Variants in KCNQ4 observed in about 807,000 individuals in gnomAD.
The protein encoded by KCNQ4 is potassium voltage-gated channel subfamily Q member 4.
In KCNQ4, 31 loss-of-function variants were observed where a neutral mutation model predicts 72.6. That is an observed-to-expected ratio of 0.43 (90% CI 0.32 to 0.58). KCNQ4 has a LOEUF of 0.58. Among genes scored for constraint, KCNQ4 ranks in the 20% least tolerant of loss-of-function variants. The probability of loss-of-function intolerance (pLI) is 0.08; values close to 1 mark genes in which losing one functional copy is unlikely to be tolerated. For missense variants in KCNQ4, 869 were observed against 962.6 expected, an observed-to-expected ratio of 0.90 and a Z score of 1.29; for synonymous variants, 405 against 403.7, an observed-to-expected ratio of 1.00 and a Z score of -0.04.
intron 1 of KCNQ4, among the ~76,000 whole-genome samples, chr1:40,787,001 A>G (rs1406687904): frequency 3.3e-5 from 5 of 152,070 alleles, no homozygotes. Context: ...GTGGCAGCCC[A>G]AGTGAGGGGA....
Position 40,784,373 on chromosome 1 carries a change from C to G in KCNQ4, c.280C>G (p.Pro94Ala). 6.2e-7 allele frequency: 1 copy of G among 1,610,122 alleles called. No individual in the cohort carries two copies. The highest frequency in any genetic ancestry group is 8.5e-7 in the Non-Finnish European group (1 of 1,179,358). The change falls in exon 1 of 14, where the codon CCC (proline) becomes GCC (alanine). Residue 94 changes from proline to alanine, a missense_variant. Physicochemically the swap from Pro to Ala is conservative, Grantham distance 27. Coordinates refer to ENST00000347132, the MANE Select transcript of KCNQ4 (RefSeq NM_004700.4). This position sits in a 1 kb window ranked among gnomAD's most constrained non-coding sequence, Gnocchi z 4.1. ...QNWVYNVLERPRGWAFVYHVF... is the reference protein window; with the variant it reads ...QNWVYNVLERARGWAFVYHVF... ...CTGGGTCTACAACGTGCTGGAGCGG[C>G]CCCGCGGCTGGGCCTTCGTCTACCA...
intron 1 of KCNQ4, among the ~76,000 whole-genome samples, chr1:40,816,095 G>T (rs1212096384): frequency 6.6e-6 from 1 of 152,112 alleles, no homozygotes; most frequent in Non-Finnish European, 1.5e-5. Flanking sequence ...GCAGAGTCTC[G>T]CAGGCACAGA....
At chr1:40,805,638 G>T (rs1226664693) in intron 1 of KCNQ4, among the ~76,000 whole-genome samples, 2 of 152,090 alleles carry the variant, frequency 1.3e-5, no homozygotes, top group Non-Finnish European at 2.9e-5. Context: ...AGGTGGGGAG[G>T]GGAAAAGAGC....
chr1:40,802,537 C>A (rs987458746), intron 1 of KCNQ4, among the ~76,000 whole-genome samples: 5 of 152,234 alleles, frequency 3.3e-5, no homozygotes, highest in East Asian at 1.9e-4. Flanking sequence ...CCGCCCCCGG[C>A]ATGCCCCGCC....
chr1:40,822,589 C>T (rs1404237214), intron 8 of KCNQ4, among the ~76,000 whole-genome samples, 187 bp downstream of exon 8: 1 of 152,126 alleles, frequency 6.6e-6, no homozygotes, highest in Admixed American at 6.5e-5. Flanking sequence ...CTGCTATGCC[C>T]AGGGAAGAGG....
At chr1:40,799,826 AG>A (rs1242880527) in intron 1 of KCNQ4, among the ~76,000 whole-genome samples, 4 of 152,234 alleles carry the variant, frequency 2.6e-5, no homozygotes, top group Admixed American at 6.5e-5. Context: ...CATGTTCAGT[AG>A]CAGGCAGGAT....
chr1:40,796,560 C>A (rs571273703), intron 1 of KCNQ4, among the ~76,000 whole-genome samples: 2 of 152,286 alleles, frequency 1.3e-5, no homozygotes, highest in South Asian at 4.1e-4. Flanking sequence ...CCACCTAACT[C>A]ACCCGGACTA....
chr1:40,833,882 C>T (rs1200625695), intron 11 of KCNQ4, among the ~76,000 whole-genome samples: 3 of 151,418 alleles, frequency 2.0e-5, no homozygotes, highest in Non-Finnish European at 4.4e-5. Context: ...GTTGGTGTGC[C>T]CCTGTAGTTC....
chr1:40,807,628 G>A (rs1415411234), intron 1 of KCNQ4, among the ~76,000 whole-genome samples: 3 of 152,202 alleles, frequency 2.0e-5, no homozygotes, highest in East Asian at 3.8e-4. Context: ...AAGAGTCTGG[G>A]GGCCTCCAGG....
chr1:40,831,327 C>T (rs1360806177), intron 10 of KCNQ4, 23 bp downstream of exon 10: 1 of 1,560,670 alleles, frequency 6.4e-7, no homozygotes. Context: ...GGGGCTGAGT[C>T]CGATCGAGGG....
At chr1:40,816,073 C>T (rs576387334) in intron 1 of KCNQ4, among the ~76,000 whole-genome samples, 51 of 152,200 alleles carry the variant, frequency 3.4e-4, no homozygotes, top group Non-Finnish European at 6.5e-4. Context: ...TTCCTGTAGG[C>T]GTGGACGATG....
chr1:40,820,976 C>T (rs1475394684), intron 7 of KCNQ4, among the ~76,000 whole-genome samples: 1 of 152,194 alleles, frequency 6.6e-6, no homozygotes, highest in Non-Finnish European at 1.5e-5. Flanking sequence ...TCCACCTCTG[C>T]CTGCTCCCTA....
At chr1:40,820,011 G>T (rs750663835) in intron 6 of KCNQ4, 26 bp downstream of exon 6, 1 of 1,598,150 alleles carries the variant, frequency 6.3e-7, no homozygotes, top group Admixed American at 1.7e-5. Context: ...CTCAGTTGGT[G>T]GGGGAGGCTG....
At chr1:40,833,472 C>G (rs1160740647) in intron 11 of KCNQ4, among the ~76,000 whole-genome samples, 1 of 152,128 alleles carries the variant, frequency 6.6e-6, no homozygotes, top group East Asian at 1.9e-4. Flanking sequence ...CCCTGCTCTA[C>G]TGGCTGTCTC....
intron 1 of KCNQ4, among the ~76,000 whole-genome samples, chr1:40,786,308 CA>C (rs1489199484): frequency 1.3e-5 from 2 of 152,192 alleles, no homozygotes; most frequent in Non-Finnish European, 2.9e-5. Flanking sequence ...ACAGCCCCCA[CA>C]AGGGTCAGTG....
intron 3 of KCNQ4, 41 bp from the exon 4 acceptor site, chr1:40,818,464 G>T: frequency 6.3e-7 from 1 of 1,597,242 alleles, no homozygotes. Flanking sequence ...GTCCGTGCGC[G>T]GGGTAGGCTG....
At chr1:40,835,634 G>A (rs776034696) in intron 12 of KCNQ4, among the ~76,000 whole-genome samples, 1 of 152,174 alleles carries the variant, frequency 6.6e-6, no homozygotes, top group Non-Finnish European at 1.5e-5. Flanking sequence ...TTTACTACTT[G>A]CCAGCCTGTG....
chr1:40,784,233 T>C lies in KCNQ4; in HGVS notation c.140T>C (p.Leu47Pro), dbSNP rs1271250198. ...GGCGGCTCCCCGCGCCGCCTCGGCC[T>C]CCTGGGCAGCCCCCTGCCGCCGGGC... ...GGGGSPRRLG[L>P]LGSPLPPGAP... Residue 47 changes from leucine (L) to proline (P), a missense_variant, in exon 1 of 14, where the codon CTC becomes CCC. Leu to Pro is a moderately conservative substitution (Grantham distance 98). Coordinates refer to ENST00000347132, the MANE Select transcript of KCNQ4 (RefSeq NM_004700.4). The surrounding 1 kb of genome is among the most constrained non-coding windows in gnomAD (Gnocchi z 4.1). 2.5e-5 allele frequency: 33 copies of C among 1,297,126 alleles called. No homozygotes were observed. The East Asian group carries it at 1.2e-3, about 45-fold the overall frequency. The allele number at this position is 1,297,126 out of a possible 1,614,324, so 80.4% of individuals were successfully genotyped here.
chr1:40,813,065 AG>A (rs1009331115), intron 1 of KCNQ4, among the ~76,000 whole-genome samples: 3 of 152,122 alleles, frequency 2.0e-5, no homozygotes, highest in African/African-American at 7.2e-5. Context: ...GAAATATGTT[AG>A]GTGTGTTCCA....
Sources: gnomAD v4.1 joint callset for allele counts (sites outside exome capture counted in the v4.1 genomes callset) on GRCh38, gnomAD v4.1.1 for gene constraint, Gnocchi (gnomAD v3.1) non-coding constraint, MANE v1.5 for transcripts, NCBI Gene and HGNC (gene_info 2026-07-23, HGNC 2026-07-21) for gene names.